PRKN: variants seen among roughly 807,000 people sequenced by gnomAD.
PRKN encodes parkin RBR E3 ubiquitin protein ligase, also known as E3 ubiquitin-protein ligase parkin.
Under a neutral mutation model 59.5 loss-of-function variants are expected in PRKN, and 56 were observed. That is an observed-to-expected ratio of 0.94 (90% confidence interval 0.76 to 1.18). The LOEUF is 1.18. PRKN is among the 50% of genes most tolerant of loss of function. The pLI is 0.00. For synonymous variants in PRKN, 250 were observed against 222.1 expected, an observed-to-expected ratio of 1.13 and a Z score of -1.12; for missense variants, 657 against 596.4, an observed-to-expected ratio of 1.10 and a Z score of -1.06.
rs1027694760 is a variant in PRKN at position 161,417,725 on chromosome 6, A to G, written c.1084-30848T>C. Among the ~76,000 whole-genome samples, 4 of 152,202 alleles carry G rather than the reference A, an allele frequency of 2.6e-5. No homozygotes were observed. The highest frequency in any genetic ancestry group is 4.4e-5 in the Non-Finnish European group (3 of 68,038). ...AACACATTGGAAATTTAGGCTGCCA[A>G]TTAGTCATCCCTCCGGCCCCCCTGG... is the stretch of plus-strand genomic sequence containing the variant. On this transcript the variant is annotated intron_variant, in intron 9 of 11. Coordinates refer to ENST00000366898, the MANE Select transcript of PRKN (RefSeq NM_004562.3). The surrounding 1 kb of genome is among the most constrained non-coding windows in gnomAD (Gnocchi z 5.4).
chr6:162,392,777 A>G (rs1016916517), intron 2 of PRKN, among the ~76,000 whole-genome samples: 10 of 152,192 alleles, frequency 6.6e-5, no homozygotes, highest in Admixed American at 2.0e-4. Context: ...TCAGCCTATC[A>G]TTGCTAAAAT....
rs1018748814 is a variant in PRKN at position 161,447,740 on chromosome 6, G to T, written c.1084-60863C>A. Among the ~76,000 whole-genome samples, 2 of 152,116 alleles carry T rather than the reference G, an allele frequency of 1.3e-5. No homozygotes were observed. Among genetic ancestry groups the T allele is most frequent in the African/African-American group, 4.8e-5 (2 of 41,424 alleles). Reference sequence around the variant, plus strand: ...GATCTCCTGACCTCATGATCAGCCCGCCTCGGCCTCCCAATGTGCTGGGAT... The same window carrying T: ...GATCTCCTGACCTCATGATCAGCCCTCCTCGGCCTCCCAATGTGCTGGGAT... On this transcript the variant is annotated intron_variant, in intron 9 of 11. Transcript: ENST00000366898. The surrounding 1 kb of genome is among the most constrained non-coding windows in gnomAD (Gnocchi z 4.1).
intron 2 of PRKN, among the ~76,000 whole-genome samples, chr6:162,405,539 G>A (rs1031386992): frequency 1.3e-5 from 2 of 152,150 alleles, no homozygotes; most frequent in African/African-American, 2.4e-5. Context: ...GAAGTGAACC[G>A]TGTCACCCCC....
chr6:162,225,189 A>G lies in PRKN; in HGVS notation c.413-23937T>C, dbSNP rs113785465. Among the ~76,000 whole-genome samples the G allele has an allele frequency of 1.3e-3, 205 of 152,228 alleles. 7 individuals carry two copies. Among genetic ancestry groups the G allele is most frequent in the African/African-American group, 4.7e-3 (196 of 41,546 alleles). ...AACACAAAGAGTGACCGAACTTTAT[A>G]ACAACCTGCTCTCATAGTAACTAAT... On this transcript the variant is annotated intron_variant, in intron 3 of 11. Coordinates refer to ENST00000366898, the MANE Select transcript of PRKN (RefSeq NM_004562.3).
At chr6:161,833,729 G>A (rs1792614931) in intron 6 of PRKN, among the ~76,000 whole-genome samples, 1 of 152,132 alleles carries the variant, frequency 6.6e-6, no homozygotes, top group African/African-American at 2.4e-5. Context: ...GTATGGATAA[G>A]TAAGTTGTTG....
chr6:161,975,501 T>C (rs1401370880), intron 5 of PRKN, among the ~76,000 whole-genome samples: 1 of 152,210 alleles, frequency 6.6e-6, no homozygotes, highest in East Asian at 1.9e-4. Flanking sequence ...GACAGCAACA[T>C]TTGATTTCTT....
At chr6:162,496,682 T>C (rs1442328924) in intron 1 of PRKN, among the ~76,000 whole-genome samples, 1 of 152,198 alleles carries the variant, frequency 6.6e-6, no homozygotes, top group Non-Finnish European at 1.5e-5. Context: ...ATTTAAGCCT[T>C]GGTTTTTCTC....
chr6:162,346,856 G>T (rs571033241), intron 2 of PRKN, among the ~76,000 whole-genome samples: 5 of 152,124 alleles, frequency 3.3e-5, no homozygotes, highest in Non-Finnish European at 7.4e-5. Flanking sequence ...CTAGAGGGTT[G>T]TGAGATATAT....
intron 2 of PRKN, among the ~76,000 whole-genome samples, chr6:162,418,255 A>G (rs1468196883): frequency 6.6e-6 from 1 of 152,228 alleles, no homozygotes; most frequent in African/African-American, 2.4e-5. Flanking sequence ...GCAATCACAA[A>G]AAGATATATA....
intron 7 of PRKN, among the ~76,000 whole-genome samples, chr6:161,705,175 A>G (rs1786430184): frequency 6.6e-6 from 1 of 152,136 alleles, no homozygotes; most frequent in Non-Finnish European, 1.5e-5. Flanking sequence ...TCGACTTACA[A>G]TGGGATTACC....
chr6:162,220,745 G>T (rs1043909926), intron 3 of PRKN, among the ~76,000 whole-genome samples: 4 of 152,210 alleles, frequency 2.6e-5, no homozygotes, highest in African/African-American at 9.6e-5. Context: ...GCAGCCAAGG[G>T]GAGGGGCAGG....
At chr6:161,351,115 TATAA>T (rs1420697189) in intron 11 of PRKN, among the ~76,000 whole-genome samples, 1 of 125,286 alleles carries the variant, frequency 8.0e-6, no homozygotes, top group African/African-American at 3.0e-5. Flanking sequence ...TTAAAATATA[TATAA>T]ATATATTTTT....
chr6:162,150,889 T>C (rs551995944), intron 4 of PRKN, among the ~76,000 whole-genome samples: 2 of 152,278 alleles, frequency 1.3e-5, no homozygotes, highest in South Asian at 4.1e-4. Flanking sequence ...CAAGCAATTA[T>C]TGAACCTCAA....
At chr6:162,098,728 T>A (rs1042425862) in intron 4 of PRKN, among the ~76,000 whole-genome samples, 1 of 152,200 alleles carries the variant, frequency 6.6e-6, no homozygotes, top group African/African-American at 2.4e-5. Flanking sequence ...AGATTCGGAG[T>A]GATTGGAAGA....
intron 1 of PRKN, among the ~76,000 whole-genome samples, chr6:162,708,753 G>A (rs902786420): frequency 6.6e-6 from 1 of 152,198 alleles, no homozygotes. Flanking sequence ...CATAGAGTCA[G>A]AGACCTAAAG....
At position 161,429,597 on chromosome 6, in the gene PRKN, G is replaced by A. The variant is rs114131149; in HGVS notation, c.1084-42720C>T. ...AACTAGAAGAACCTGGATGTGAAGCGGGAGGGCCAGGGAGGCCACGGAGAT... is the reference window on the plus strand; with the variant it reads ...AACTAGAAGAACCTGGATGTGAAGCAGGAGGGCCAGGGAGGCCACGGAGAT... On this transcript the variant is annotated intron_variant, in intron 9 of 11. Transcript: ENST00000366898. This position sits in a 1 kb window ranked among gnomAD's most constrained non-coding sequence, Gnocchi z 4.2. Among the ~76,000 whole-genome samples, 2,150 of 152,210 alleles carry A rather than the reference G, an allele frequency of 0.014. 54 individuals are homozygous for A. The highest frequency in any genetic ancestry group is 0.046 in the African/African-American group (1,926 of 41,506).
intron 5 of PRKN, among the ~76,000 whole-genome samples, chr6:161,974,041 C>T (rs1368389189): frequency 1.3e-5 from 2 of 152,088 alleles, no homozygotes; most frequent in South Asian, 2.1e-4. Context: ...TTGAGGCGGG[C>T]GGATCACCTG....
At chr6:161,469,140 GA>G (rs1790636363) in intron 9 of PRKN, among the ~76,000 whole-genome samples, 1 of 152,156 alleles carries the variant, frequency 6.6e-6, no homozygotes, top group South Asian at 2.1e-4. Context: ...ATGTCACCTT[GA>G]ATTGTAATAA....
intron 1 of PRKN, among the ~76,000 whole-genome samples, chr6:162,652,847 GATTT>G (rs745876773): frequency 2.6e-5 from 4 of 151,968 alleles, no homozygotes; most frequent in Non-Finnish European, 4.4e-5. Context: ...CCCCCGATAA[GATTT>G]ATTAAAAATT....
Sources: gnomAD v4.1 joint callset for allele counts (sites outside exome capture counted in the v4.1 genomes callset) on GRCh38, gnomAD v4.1.1 for gene constraint, Gnocchi (gnomAD v3.1) non-coding constraint, MANE v1.5 for transcripts, NCBI Gene and HGNC (gene_info 2026-07-23, HGNC 2026-07-21) for gene names.